The following RANGAP1 variants were observed in gnomAD, a reference collection of about 807,000 sequenced individuals.
RANGAP1 encodes the protein Ran GTPase activating protein 1.
A neutral mutation model predicts 63.5 loss-of-function variants in RANGAP1; 38 were observed. The ratio of observed to expected loss-of-function variants is 0.60; its 90% confidence interval spans 0.46 to 0.78. The LOEUF (loss-of-function observed/expected upper bound fraction) is 0.78. Among genes scored for constraint, RANGAP1 ranks in the 30% least tolerant of loss-of-function variants. The probability of loss-of-function intolerance (pLI) is 0.00; values close to 1 mark genes in which losing one functional copy is unlikely to be tolerated. For synonymous variants in RANGAP1, 329 were observed against 310.5 expected (o/e 1.06, Z -0.63); for missense variants, 630 against 740.3 (o/e 0.85, Z 1.73).
At chr22:41,264,881 C>T (rs1317373838) in intron 4 of RANGAP1, 38 bp from the exon 5 acceptor site, 9 of 1,571,046 alleles carry the variant, frequency 5.7e-6, no homozygotes, top group African/African-American at 5.4e-5. Context: ...TTCATAGACA[C>T]CCAGCTTCTG....
intron 1 of RANGAP1, among the ~76,000 whole-genome samples, chr22:41,284,522 G>C (rs1178084302): frequency 1.3e-5 from 2 of 151,728 alleles, no homozygotes; most frequent in Admixed American, 1.3e-4. Context: ...AGCTGAGATC[G>C]TGGCATTGCA....
chr22:41,274,806 T>C lies in RANGAP1; in HGVS notation c.113-79A>G. 3.2e-6 allele frequency: 5 copies of C among 1,572,674 alleles called. No individual in the cohort carries two copies. The Admixed American group carries it at 5.1e-5, about 16-fold the overall frequency. On this transcript the variant is annotated intron_variant, in intron 2 of 15. Transcript: ENST00000356244. ...GATAGGAGAGAGGTTGGCAACCACC[T>C]TGCCACTCAACAGTCTATGGTGCAC...
chr22:41,280,713 C>CA (rs1303883281), intron 2 of RANGAP1: 1 of 1,492,636 alleles, frequency 6.7e-7, no homozygotes, highest in Non-Finnish European at 8.9e-7. Context: ...GGGCAGGGCA[C>CA]AAAGGGATGC....
the RANGAP1 span, among the ~76,000 whole-genome samples, chr22:41,301,277 C>A: frequency 6.6e-6 from 1 of 152,164 alleles, no homozygotes; most frequent in Non-Finnish European, 1.5e-5. Context: ...GGCGGAGGCG[C>A]TGGGTTTGAG....
the RANGAP1 span, among the ~76,000 whole-genome samples, chr22:41,294,997 C>G: frequency 1.4e-4 from 15 of 104,612 alleles, no homozygotes; most frequent in Non-Finnish European, 2.7e-4. Context: ...GCCCCCAGCC[C>G]GGCCAGCCAA....
At chr22:41,262,531 G>T (rs1222403976) in intron 5 of RANGAP1, among the ~76,000 whole-genome samples, 1 of 152,246 alleles carries the variant, frequency 6.6e-6, no homozygotes, top group African/African-American at 2.4e-5. Flanking sequence ...CACCCGGTAA[G>T]TATTTAGCAA....
chr22:41,258,114 G>A lies in RANGAP1; in HGVS notation c.616-8C>T. 6.3e-7 allele frequency: 1 copy of A among 1,590,818 alleles called. No homozygotes were observed. The highest frequency in any genetic ancestry group is 8.6e-7 in the Non-Finnish European group (1 of 1,165,044). ...CTCCAGGGTCCCGATGACCTGTGAA[G>A]AGGAGGCAGAGAGTGGAGGGGGCCC... On this transcript the variant is annotated splice_region_variant and splice_polypyrimidine_tract_variant and intron_variant, in intron 6 of 15. Coordinates refer to ENST00000356244, the MANE Select transcript of RANGAP1 (RefSeq NM_002883.4).
rs2035469719 is a variant in RANGAP1, at chr22:41,281,118, C to G, written c.-38-36G>C. The G allele has an allele frequency of 7.3e-6, 11 of 1,505,004 alleles. No individual in the cohort carries two copies. In the East Asian group the frequency reaches 2.5e-4, roughly 34 times the overall value. The allele number at this position is 1,505,004 out of a possible 1,614,324, so 93.2% of individuals were successfully genotyped here. ...CAAAGTTGCAGTAAGAAAAAGGAGT[C>G]TCCTGGGGCCCCTGGTTGGGGGCAG... On this transcript the variant is annotated intron_variant, in intron 1 of 15. Coordinates refer to ENST00000356244, the MANE Select transcript of RANGAP1 (RefSeq NM_002883.4).
the RANGAP1 span, among the ~76,000 whole-genome samples, chr22:41,293,648 G>A: frequency 6.6e-6 from 1 of 150,892 alleles, no homozygotes. Flanking sequence ...ATGTGGTGGC[G>A]GGCGCCTGTA....
At chr22:41,249,080 C>T (rs763901692) in intron 15 of RANGAP1, among the ~76,000 whole-genome samples, 3 of 152,238 alleles carry the variant, frequency 2.0e-5, no homozygotes, top group Non-Finnish European at 2.9e-5. Context: ...GGGGGCGCCG[C>T]ATGTCTCCTC....
At chr22:41,256,689 C>G (rs762266960) in intron 8 of RANGAP1, 22 bp downstream of exon 8, 1 of 1,604,026 alleles carries the variant, frequency 6.2e-7, no homozygotes, top group African/African-American at 1.3e-5. Context: ...AGAGGGAGGA[C>G]GTCAGGCGTC....
At chr22:41,284,349 C>T (rs1463121889) in intron 1 of RANGAP1, among the ~76,000 whole-genome samples, 1 of 151,576 alleles carries the variant, frequency 6.6e-6, no homozygotes, top group Non-Finnish European at 1.5e-5. Context: ...GGGTGGATTA[C>T]CTGAGGTCGG....
chr22:41,252,760 G>GC, intron 12 of RANGAP1, 112 bp downstream of exon 12: 1 of 1,264,220 alleles, frequency 7.9e-7, no homozygotes, highest in Non-Finnish European at 1.0e-6. Context: ...AAGCCTCCCT[G>GC]CCCCCAGCTG....
At position 41,246,659 on chromosome 22, in the gene RANGAP1, G is replaced by A; in HGVS notation, c.1708C>T (p.Leu570=). The A allele has an allele frequency of 6.4e-7, 1 of 1,562,506 alleles. No individual in the cohort carries two copies. The highest frequency in any genetic ancestry group is 8.7e-7 in the Non-Finnish European group (1 of 1,152,462). ...TGGCGGGCGAAGGAGCAGGATTCCA[G>A]GGCGCTGTTGGGCCTGCGGGGAAAG... is the stretch of plus-strand genomic sequence containing the variant. ...LAFVTKPNSA[L]ESCSFARHSL... is the part of the protein sequence containing the mutation. The change falls in exon 16 of 16, where the codon CTG becomes TTG. Residue 570 remains leucine, a synonymous_variant. Coordinates refer to ENST00000356244, the MANE Select transcript of RANGAP1 (RefSeq NM_002883.4).
chr22:41,294,450 T>G, the RANGAP1 span, among the ~76,000 whole-genome samples: 1 of 151,458 alleles, frequency 6.6e-6, no homozygotes, highest in Non-Finnish European at 1.5e-5. Flanking sequence ...AGTGCCGAGA[T>G]TGCAGCCTCT....
At chr22:41,258,400 G>T (rs1446572013) in intron 6 of RANGAP1, among the ~76,000 whole-genome samples, 1 of 152,248 alleles carries the variant, frequency 6.6e-6, no homozygotes, top group East Asian at 1.9e-4. Context: ...CTTGTTCTCA[G>T]TCTGGTGTCC....
At chr22:41,255,603 C>T (rs935502101) in intron 10 of RANGAP1, among the ~76,000 whole-genome samples, 5 of 150,322 alleles carry the variant, frequency 3.3e-5, no homozygotes, top group South Asian at 2.1e-4. Context: ...TCAGAGGCCT[C>T]CCCAACTCCA....
At chr22:41,270,857 G>A (rs979066256) in intron 3 of RANGAP1, among the ~76,000 whole-genome samples, 4 of 152,334 alleles carry the variant, frequency 2.6e-5, no homozygotes, top group Non-Finnish European at 4.4e-5. Context: ...ACAGGCAGCC[G>A]GAGCCGGAGC....
upstream of RANGAP1, among the ~76,000 whole-genome samples, chr22:41,288,028 C>T (rs2035794113): frequency 6.6e-6 from 1 of 152,056 alleles, no homozygotes; most frequent in Non-Finnish European, 1.5e-5. Flanking sequence ...CAGATCATGC[C>T]ATATCCTTTT....
Sources: gnomAD v4.1 joint callset for allele counts (sites outside exome capture counted in the v4.1 genomes callset) on GRCh38, gnomAD v4.1.1 for gene constraint, MANE v1.5 for transcripts, NCBI Gene and HGNC (gene_info 2026-07-23, HGNC 2026-07-21) for gene names.